PPP2R1B: variants seen among roughly 807,000 people sequenced by gnomAD.
The protein encoded by PPP2R1B is serine/threonine-protein phosphatase 2A 65 kDa regulatory subunit A beta isoform.
A neutral mutation model predicts 72.7 loss-of-function variants in PPP2R1B; 58 were observed. The ratio of observed to expected loss-of-function variants is 0.80; its 90% CI spans 0.65 to 0.99. The LOEUF is 0.99. Among genes scored for constraint, PPP2R1B ranks in the 50% least tolerant of loss-of-function variants. The pLI is 0.00. For missense variants in PPP2R1B, 695 were observed against 733.6 expected (o/e 0.95, Z 0.61); for synonymous variants, 256 against 264.6 (o/e 0.97, Z 0.32).
At chr11:111,760,766 T>C in intron 4 of PPP2R1B, 53 bp downstream of exon 4, 1 of 1,503,122 alleles carries the variant, frequency 6.7e-7, no homozygotes, top group South Asian at 1.2e-5. Flanking sequence ...AAATAACTCA[T>C]AGCTTACTAC....
chr11:111,755,162 G>T lies in PPP2R1B; in HGVS notation c.844-68C>A, dbSNP rs532724677. The T allele has an allele frequency of 3.3e-6, 5 of 1,536,620 alleles. No individual in the cohort carries two copies. In the Admixed American group the frequency reaches 7.7e-5, roughly 24 times the overall value. ...GAATTAACAAGAACAAAACAAAATT[G>T]TGCAATCTGTAAATACATATTTTTG... is the stretch of plus-strand genomic sequence containing the variant. On this transcript the variant is annotated intron_variant, in intron 6 of 14. Coordinates refer to ENST00000527614, the MANE Select transcript of PPP2R1B (RefSeq NM_002716.5).
the PPP2R1B span, among the ~76,000 whole-genome samples, chr11:111,712,701 T>C: frequency 6.6e-6 from 1 of 152,252 alleles, no homozygotes; most frequent in South Asian, 2.1e-4. Flanking sequence ...TGTTTGTTTT[T>C]TCCCTAACAA....
Position 111,761,014 on chromosome 11 carries a change from A to C in PPP2R1B, c.344T>G (p.Val115Gly). The change falls in exon 4 of 15, where the codon GTT becomes GGT. Residue 115 changes from valine to glycine, a missense_variant. Coordinates refer to ENST00000527614, the MANE Select transcript of PPP2R1B (RefSeq NM_002716.5). Reference protein sequence around the residue: ...LENLATVEETVVRDKAVESLR... With the variant: ...LENLATVEETGVRDKAVESLR... ...GGACTCCACAGCCTTGTCACGAACAACAGTCTCTTCCACAGTTGCCAGATT... is the reference window on the plus strand; with the variant it reads ...GGACTCCACAGCCTTGTCACGAACACCAGTCTCTTCCACAGTTGCCAGATT... The C allele has an allele frequency of 6.2e-7, 1 of 1,612,184 alleles. No individual in the cohort carries two copies. The highest frequency in any genetic ancestry group is 1.1e-5 in the South Asian group (1 of 91,078).
At chr11:111,702,313 A>C in the PPP2R1B span, among the ~76,000 whole-genome samples, 2 of 152,218 alleles carry the variant, frequency 1.3e-5, no homozygotes, top group African/African-American at 2.4e-5. Flanking sequence ...AGTCAGGTGC[A>C]GTGGTTTATA....
In PPP2R1B at chr11:111,737,885, C is replaced by T; in HGVS notation, c.*3711G>A. ...AGGAAAGACCTGGCTCCTTTCAGAA[C>T]TCATATCAGTTTAAGAGAACAACTC... On this transcript the variant is annotated 3_prime_UTR_variant, in exon 15 of 15. Transcript: ENST00000527614. The T allele has an allele frequency of 2.6e-6, 3 of 1,154,706 alleles. No individual in the cohort carries two copies. Among genetic ancestry groups the T allele is most frequent in the Non-Finnish European group, 3.2e-6 (3 of 930,782 alleles). The allele number at this position is 1,154,706 out of a possible 1,614,324, so 71.5% of individuals were successfully genotyped here.
At chr11:111,709,655 G>A in the PPP2R1B span, among the ~76,000 whole-genome samples, 1 of 152,158 alleles carries the variant, frequency 6.6e-6, no homozygotes, top group Non-Finnish European at 1.5e-5. Context: ...AATCAACTGT[G>A]TAATGCTGAG....
rs1944531933 is a variant in PPP2R1B, at chr11:111,741,868, C to G, written c.1789+185G>C. The G allele has an allele frequency of 4.1e-6, 3 of 725,876 alleles. No individual in the cohort carries two copies. The South Asian group carries it at 4.9e-5, about 12-fold the overall frequency. The allele number at this position is 725,876 out of a possible 1,614,324, so 45.0% of individuals were successfully genotyped here. A position where few individuals can be genotyped will look rare whatever the true frequency, so the allele number is the denominator to read the frequency against. ...ATGTAACTAAGAAAAATAGCCTGCT[C>G]ACTTATGAGAAAATGGTGGGCCAAG... On this transcript the variant is annotated intron_variant, in intron 14 of 14. Coordinates refer to ENST00000527614, the MANE Select transcript of PPP2R1B (RefSeq NM_002716.5).
chr11:111,722,655 G>C (rs764296232), downstream of PPP2R1B: 1 of 1,612,494 alleles, frequency 6.2e-7, no homozygotes, highest in Non-Finnish European at 8.5e-7. This position sits in a 1 kb window ranked among gnomAD's most constrained non-coding sequence, Gnocchi z 4.4. Flanking sequence ...TTGTTTTTCT[G>C]CTCTTCCAGA....
In PPP2R1B at chr11:111,742,295, A is replaced by G; in HGVS notation, c.1698-151T>C. 2.3e-5 allele frequency: 18 copies of G among 796,048 alleles called. No homozygotes were observed. The South Asian group carries it at 3.1e-4, about 14-fold the overall frequency. The allele number at this position is 796,048 out of a possible 1,614,324, so 49.3% of individuals were successfully genotyped here. A position where few individuals can be genotyped will look rare whatever the true frequency, so the allele number is the denominator to read the frequency against. On this transcript the variant is annotated intron_variant, in intron 13 of 14. Transcript: ENST00000527614. The stretch of plus-strand genomic sequence containing the variant: ...CAAATACACAAAATAATGTCTAAAG[A>G]AATTCTCAGCAAAATCAGCTTCAGA...
At chr11:111,726,797 C>T (rs746566927), downstream of PPP2R1B, 4 of 625,278 alleles carry the variant, frequency 6.4e-6, no homozygotes, top group East Asian at 2.8e-5. Flanking sequence ...GTCTGATTCA[C>T]GTTAGCAGTG....
chr11:111,766,342 A>G lies in PPP2R1B; in HGVS notation c.20T>C (p.Leu7Pro), dbSNP rs150717048. The G allele has an allele frequency of 6.4e-5, 96 of 1,490,390 alleles. No individual in the cohort carries two copies. Among genetic ancestry groups the G allele is most frequent in the Non-Finnish European group, 8.1e-5 (91 of 1,121,410 alleles). 92.3% of individuals were successfully genotyped at this position (1,490,390 alleles called of 1,614,324 possible). MAGASE[L>P]GTGPGAAGGD... ...ACCCGCTGCTCCTGGGCCGGTCCCG[A>G]GCTCTGATGCGCCCGCCATGTTCTT... The change falls in exon 1 of 15, where the codon CTC becomes CCC. Residue 7 changes from leucine (L) to proline (P), a missense_variant. Transcript: ENST00000527614.
At chr11:111,733,131 CA>C (rs1165597509), downstream of PPP2R1B, among the ~76,000 whole-genome samples, 2 of 152,226 alleles carry the variant, frequency 1.3e-5, no homozygotes, top group Non-Finnish European at 2.9e-5. Flanking sequence ...CAAGGTCAGG[CA>C]GGGCAGAGAG....
intron 9 of PPP2R1B, among the ~76,000 whole-genome samples, chr11:111,753,037 T>C (rs1944969177): frequency 6.6e-6 from 1 of 152,180 alleles, no homozygotes; most frequent in African/African-American, 2.4e-5. Context: ...GTTGTGAGAA[T>C]TGCATGTAAA....
chr11:111,757,498 G>A (rs1335659271), intron 5 of PPP2R1B, among the ~76,000 whole-genome samples: 1 of 152,142 alleles, frequency 6.6e-6, no homozygotes, highest in African/African-American at 2.4e-5. Context: ...TCATGGGACT[G>A]CTAATCAACT....
intron 10 of PPP2R1B, among the ~76,000 whole-genome samples, chr11:111,751,565 G>A (rs1375502984): frequency 6.6e-6 from 1 of 152,206 alleles, no homozygotes; most frequent in Non-Finnish European, 1.5e-5. Context: ...AATTTGGGCT[G>A]CTCAACCAGT....
chr11:111,729,895 G>A (rs951699046), intron 15 of PPP2R1B: 8 of 152,242 alleles, frequency 5.3e-5, no homozygotes, highest in African/African-American at 1.9e-4. Context: ...TCACCTCAAA[G>A]ATGTCTAGTT....
the PPP2R1B span, among the ~76,000 whole-genome samples, chr11:111,704,769 C>A: frequency 6.6e-6 from 1 of 152,136 alleles, no homozygotes; most frequent in Non-Finnish European, 1.5e-5. Flanking sequence ...GGCTGGTAAA[C>A]CCATTTAAAG....
chr11:111,738,373 C>T lies in PPP2R1B; in HGVS notation c.*3223G>A. 6 of 985,532 alleles carry T rather than the reference C, an allele frequency of 6.1e-6. No homozygotes were observed. Among genetic ancestry groups the T allele is most frequent in the Non-Finnish European group, 6.0e-6 (5 of 829,998 alleles). 61.0% of individuals were successfully genotyped at this position (985,532 alleles called of 1,614,324 possible). A position where few individuals can be genotyped will look rare whatever the true frequency, so the allele number is the denominator to read the frequency against. Reference sequence around the variant, plus strand: ...TTTGGCCACCCTGCCCTGCCATCGCCACAGGGACAGAGCCAATGTGACGTC... The same window carrying T: ...TTTGGCCACCCTGCCCTGCCATCGCTACAGGGACAGAGCCAATGTGACGTC... On this transcript the variant is annotated 3_prime_UTR_variant, in exon 15 of 15. Transcript: ENST00000527614.
At chr11:111,692,877 T>C in the PPP2R1B span, among the ~76,000 whole-genome samples, 1 of 152,106 alleles carries the variant, frequency 6.6e-6, no homozygotes, top group Admixed American at 6.5e-5. Context: ...AATGAACTGC[T>C]TTAGCCATCT....
Sources: gnomAD v4.1 joint callset for allele counts (sites outside exome capture counted in the v4.1 genomes callset) on GRCh38, gnomAD v4.1.1 for gene constraint, Gnocchi (gnomAD v3.1) non-coding constraint, MANE v1.5 for transcripts, NCBI Gene and HGNC (gene_info 2026-07-23, HGNC 2026-07-21) for gene names.